The following METTL4 variants were observed in gnomAD, a reference collection of about 807,000 sequenced individuals.
METTL4 encodes the protein methyltransferase 4, N6-adenosine, also known as N(6)-adenine-specific methyltransferase METTL4.
METTL4 carries 40 observed loss-of-function variants against 54.0 expected under a neutral mutation model. That is an observed-to-expected ratio of 0.74 (90% confidence interval 0.58 to 0.96). The LOEUF (loss-of-function observed/expected upper bound fraction) is 0.96. Among genes scored for constraint, METTL4 ranks in the 50% least tolerant of loss-of-function variants. METTL4 has a pLI of 0.00. For missense variants in METTL4, 525 were observed against 549.0 expected (o/e 0.96, Z 0.44); for synonymous variants, 169 against 183.8 (o/e 0.92, Z 0.65).
At chr18:2,546,192 C>A (rs944484252) in intron 6 of METTL4, among the ~76,000 whole-genome samples, 1 of 152,026 alleles carries the variant, frequency 6.6e-6, no homozygotes, top group Non-Finnish European at 1.5e-5. Flanking sequence ...ATACACTTGT[C>A]CCCCCTTATC....
Position 2,562,576 on chromosome 18 carries a change from G to T in METTL4, c.459+1221C>A, listed in dbSNP as rs373133259. Among the ~76,000 whole-genome samples the T allele has an allele frequency of 8.5e-5, 13 of 152,290 alleles. 1 individual carries two copies. Among genetic ancestry groups the T allele is most frequent in the East Asian group, 3.9e-4 (2 of 5,186 alleles). On this transcript the variant is annotated intron_variant, in intron 3 of 8. Transcript: ENST00000574538. ...ACAAAATGTAGTATATACAAACAAT[G>T]AAATATTATTCGCCCTTAAAAAGGA...
intron 8 of METTL4, chr18:2,540,789 G>T: frequency 1.0e-6 from 1 of 985,384 alleles, no homozygotes; most frequent in Non-Finnish European, 1.2e-6. Context: ...GTGGTCTCAG[G>T]TTACGCTGAA....
Position 2,537,874 on chromosome 18 carries a change from G to A in METTL4, c.*1126C>T, listed in dbSNP as rs531404641. 2.5e-6 allele frequency: 1 copy of A among 398,476 alleles called. No homozygotes were observed. The allele number at this position is 398,476 out of a possible 1,614,324, so 24.7% of individuals were successfully genotyped here. ...TTCTCAAACAGCAGAACTAATGATA[G>A]AAAGCAAACCAGTGTTTGCCAGGGG... On this transcript the variant is annotated 3_prime_UTR_variant, in exon 9 of 9. Transcript: ENST00000574538.
In METTL4 at chr18:2,538,253, G is replaced by A. The variant is rs1328651644; in HGVS notation, c.*747C>T. ...AGGAATAGCTTTTCATTTTCTTCTA[G>A]AAAAACAAGCAAAACCAGAAAGTGC... On this transcript the variant is annotated 3_prime_UTR_variant, in exon 9 of 9. Coordinates refer to ENST00000574538, the MANE Select transcript of METTL4 (RefSeq NM_022840.5). The A allele has an allele frequency of 5.2e-5, 12 of 232,276 alleles. No homozygotes were observed. Among genetic ancestry groups the A allele is most frequent in the Admixed American group, 5.0e-4 (9 of 17,844 alleles). The allele number at this position is 232,276 out of a possible 1,614,324, so 14.4% of individuals were successfully genotyped here.
At position 2,567,097 on chromosome 18, in the gene METTL4, A is replaced by T; in HGVS notation, c.120T>A (p.Thr40=). The part of the protein sequence containing the change: ...HEPCCRKKEF[T]TSVHFESLQM... ...GAAGAGACTCAAAGTGAACAGAAGT[A>T]GTGAACTCCTTTTTACGGCAACAAG... Residue 40 remains threonine (T), a synonymous_variant, in exon 2 of 9, where the codon ACT becomes ACA. Coordinates refer to ENST00000574538, the MANE Select transcript of METTL4 (RefSeq NM_022840.5). 8 of 1,614,230 alleles carry T rather than the reference A, an allele frequency of 5.0e-6. No individual in the cohort carries two copies. Among genetic ancestry groups the T allele is most frequent in the Non-Finnish European group, 5.9e-6 (7 of 1,180,030 alleles).
intron 6 of METTL4, among the ~76,000 whole-genome samples, chr18:2,546,353 ATTGT>A (rs896547344): frequency 4.6e-5 from 7 of 152,046 alleles, no homozygotes; most frequent in Non-Finnish European, 1.0e-4. Flanking sequence ...ATTATTAGTT[ATTGT>A]TTATCTCTCT....
intron 7 of METTL4, 93 bp downstream of exon 7, chr18:2,544,560 C>G (rs184050009): frequency 3.1e-4 from 263 of 858,360 alleles, no homozygotes; most frequent in Non-Finnish European, 2.9e-5. Context: ...GTTTCAAAAA[C>G]ATAAACATTT....
At chr18:2,564,219 T>A (rs905955201) in intron 2 of METTL4, among the ~76,000 whole-genome samples, 1 of 148,406 alleles carries the variant, frequency 6.7e-6, no homozygotes, top group Non-Finnish European at 1.5e-5. Flanking sequence ...CCGGCTAACA[T>A]GGTGAAACCC....
intron 4 of METTL4, chr18:2,553,279 G>C (rs371830183): frequency 6.6e-6 from 1 of 152,082 alleles, no homozygotes. Context: ...AAAGTTCCTC[G>C]GTCTTTCTTC....
At chr18:2,552,858 G>C in intron 4 of METTL4, 94 bp from the exon 5 acceptor site, 1 of 754,474 alleles carries the variant, frequency 1.3e-6, no homozygotes, top group East Asian at 2.6e-5. Flanking sequence ...ATTTCACTAC[G>C]GACACGAATA....
intron 8 of METTL4, among the ~76,000 whole-genome samples, chr18:2,541,147 A>G (rs180827704): frequency 1.3e-5 from 2 of 152,340 alleles, no homozygotes; most frequent in Admixed American, 1.3e-4. Context: ...TGTTTTTATA[A>G]TGTTAACTAC....
chr18:2,556,864 G>A (rs1250759403), intron 3 of METTL4, among the ~76,000 whole-genome samples: 3 of 151,976 alleles, frequency 2.0e-5, no homozygotes. Flanking sequence ...AAGAGGAGGA[G>A]GAGGAATCCG....
chr18:2,565,908 G>A lies in METTL4; in HGVS notation c.396+913C>T, dbSNP rs539265495. Among the ~76,000 whole-genome samples, 30 of 152,032 alleles carry A rather than the reference G, an allele frequency of 2.0e-4. 1 individual carries two copies. Among genetic ancestry groups the A allele is most frequent in the South Asian group, 1.0e-3 (5 of 4,808 alleles). ...TAAAAATACAAAAAATTAGCCAGGC[G>A]TGGTGGCAAGCGCCTGTAGTCCCAG... On this transcript the variant is annotated intron_variant, in intron 2 of 8. Coordinates refer to ENST00000574538, the MANE Select transcript of METTL4 (RefSeq NM_022840.5).
chr18:2,553,836 G>A (rs1474981039), intron 4 of METTL4: 1 of 152,112 alleles, frequency 6.6e-6, no homozygotes, highest in Non-Finnish European at 1.5e-5. Flanking sequence ...GAAAAAATGT[G>A]CATGCATAGA....
At chr18:2,554,568 C>T (rs767891465) in intron 4 of METTL4, 101 bp downstream of exon 4, 8 of 1,048,186 alleles carry the variant, frequency 7.6e-6, no homozygotes, top group East Asian at 2.4e-5. Flanking sequence ...CTACCCTATC[C>T]TCATAAATGC....
chr18:2,566,061 AT>A (rs1358662741), intron 2 of METTL4, among the ~76,000 whole-genome samples: 6,554 of 144,944 alleles, frequency 0.045, 339 homozygotes, highest in Middle Eastern at 0.068. Flanking sequence ...AAATAAATAA[AT>A]AAATAAATAA....
rs1462470942 is a variant in METTL4 at position 2,551,025 on chromosome 18, G to A, written c.899+1670C>T. On this transcript the variant is annotated intron_variant, in intron 5 of 8. Transcript: ENST00000574538. ...TAAAAATACAAAAAATTAGCCGGGC[G>A]TGGTAGCGGGCGCCTGTAGTCCCAG... Among the ~76,000 whole-genome samples the A allele has an allele frequency of 5.9e-5, 9 of 151,274 alleles. 1 individual carries two copies. The East Asian group carries it at 1.7e-3, about 29-fold the overall frequency.
rs2072238126 is a variant in METTL4, at chr18:2,556,305, A to C, written c.460-1267T>G. 3.3e-5 allele frequency among the ~76,000 whole-genome samples: 4 copies of C among 121,908 alleles called. No individual in the cohort carries two copies. The Admixed American group carries it at 3.5e-4, about 11-fold the overall frequency. The allele number at this position is 121,908 out of a possible 152,430, so 80.0% of individuals were successfully genotyped here. On this transcript the variant is annotated intron_variant, in intron 3 of 8. Transcript: ENST00000574538. ...AAGGGCATTGCCTCGGCAATTGGGA[A>C]AAAAAAAAATAGCTTTAGACCAAAG... is the stretch of plus-strand genomic sequence containing the variant.
In METTL4 at chr18:2,538,911, G is replaced by T; in HGVS notation, c.*89C>A. 1 of 1,412,926 alleles carries T rather than the reference G, an allele frequency of 7.1e-7. No individual in the cohort carries two copies. Among genetic ancestry groups the T allele is most frequent in the Non-Finnish European group, 9.7e-7 (1 of 1,031,316 alleles). 87.5% of individuals were successfully genotyped at this position (1,412,926 alleles called of 1,614,324 possible). A position where few individuals can be genotyped will look rare whatever the true frequency, so the allele number is the denominator to read the frequency against. ...TCCTGTTTATATTCTAAGAATATGGGTTGGTAACAAAATAAAAAAATGACT... is the reference window on the plus strand; with the variant it reads ...TCCTGTTTATATTCTAAGAATATGGTTTGGTAACAAAATAAAAAAATGACT... On this transcript the variant is annotated 3_prime_UTR_variant, in exon 9 of 9. Coordinates refer to ENST00000574538, the MANE Select transcript of METTL4 (RefSeq NM_022840.5).
Sources: allele counts gnomAD v4.1 joint callset (sites outside exome capture counted in the v4.1 genomes callset), GRCh38; gene constraint gnomAD v4.1.1; transcripts MANE v1.5; gene names NCBI Gene and HGNC (gene_info 2026-07-23, HGNC 2026-07-21).